The following PPP3CC variants were observed in gnomAD, a reference collection of about 807,000 sequenced individuals.
PPP3CC encodes the protein protein phosphatase 3 catalytic subunit gamma.
A neutral mutation model predicts 60.3 loss-of-function variants in PPP3CC; 35 were observed. That is an observed-to-expected ratio of 0.58 (90% CI 0.44 to 0.77). The LOEUF (loss-of-function observed/expected upper bound fraction) is 0.77. Among genes scored for constraint, PPP3CC ranks in the 30% least tolerant of loss-of-function variants. The pLI is 0.00. For synonymous variants in PPP3CC, 206 were observed against 224.3 expected (o/e 0.92, Z 0.73); for missense variants, 570 against 628.9 (o/e 0.91, Z 1.00).
intron 8 of PPP3CC, among the ~76,000 whole-genome samples, chr8:22,525,436 TTC>T (rs375579777): frequency 2.0e-5 from 3 of 151,168 alleles, no homozygotes; most frequent in Middle Eastern, 3.2e-3. Context: ...CTCTTTTCTT[TTC>T]TCTCTCTTTC....
intron 3 of PPP3CC, among the ~76,000 whole-genome samples, chr8:22,495,567 T>A: frequency 6.6e-6 from 1 of 151,936 alleles, no homozygotes; most frequent in Non-Finnish European, 1.5e-5. Flanking sequence ...ATTATTATTA[T>A]TATTGTTATT....
chr8:22,536,900 A>G (rs761483410), intron 12 of PPP3CC, among the ~76,000 whole-genome samples: 2 of 152,234 alleles, frequency 1.3e-5, no homozygotes, highest in Non-Finnish European at 2.9e-5. Flanking sequence ...TACAGTATAC[A>G]TGAAACATAG....
intron 1 of PPP3CC, among the ~76,000 whole-genome samples, chr8:22,446,111 T>C (rs1836814563): frequency 6.6e-6 from 1 of 152,226 alleles, no homozygotes; most frequent in African/African-American, 2.4e-5. Context: ...ATTTTTAGTG[T>C]ACCATAACTT....
chr8:22,449,899 C>T (rs1304406747), intron 1 of PPP3CC, among the ~76,000 whole-genome samples: 5 of 145,430 alleles, frequency 3.4e-5, no homozygotes, highest in African/African-American at 1.3e-4. Flanking sequence ...GACAGAGTCT[C>T]GCTGTCGCCC....
At chr8:22,469,069 T>C (rs1228120850) in intron 1 of PPP3CC, among the ~76,000 whole-genome samples, 3 of 152,140 alleles carry the variant, frequency 2.0e-5, no homozygotes, top group Admixed American at 6.5e-5. Context: ...ACAGCAAAGA[T>C]ACAGAATCAG....
intron 1 of PPP3CC, among the ~76,000 whole-genome samples, chr8:22,451,920 G>A (rs1157107079): frequency 6.6e-6 from 1 of 151,936 alleles, no homozygotes; most frequent in Non-Finnish European, 1.5e-5. Context: ...ATCTGAAATT[G>A]AAATGCTTCT....
intron 8 of PPP3CC, 26 bp from the exon 9 acceptor site, chr8:22,527,366 G>T: frequency 1.2e-6 from 2 of 1,612,214 alleles, no homozygotes; most frequent in South Asian, 1.1e-5. Flanking sequence ...CTCTGTGCCA[G>T]ATTTTCTTGC....
chr8:22,482,985 C>T (rs967711064), intron 3 of PPP3CC, among the ~76,000 whole-genome samples: 3 of 152,116 alleles, frequency 2.0e-5, no homozygotes, highest in Non-Finnish European at 2.9e-5. Context: ...CAAAAAGATA[C>T]GCTTTTTCAA....
chr8:22,469,154 TAAAA>T (rs899662680), intron 1 of PPP3CC, among the ~76,000 whole-genome samples: 1 of 151,978 alleles, frequency 6.6e-6, no homozygotes, highest in East Asian at 1.9e-4. Flanking sequence ...TGTTCAACCA[TAAAA>T]AAACAAAACA....
intron 3 of PPP3CC, among the ~76,000 whole-genome samples, chr8:22,491,281 GTC>G (rs1838398202): frequency 6.6e-6 from 1 of 152,176 alleles, no homozygotes; most frequent in African/African-American, 2.4e-5. Context: ...GGCTGTGCAA[GTC>G]TCTATTCCTA....
intron 1 of PPP3CC, among the ~76,000 whole-genome samples, chr8:22,468,570 A>G (rs1330789638): frequency 6.6e-6 from 1 of 152,180 alleles, no homozygotes; most frequent in Non-Finnish European, 1.5e-5. Context: ...AATTAGAGAA[A>G]ATATTTATAC....
At chr8:22,457,249 T>G (rs1837231014) in intron 1 of PPP3CC, among the ~76,000 whole-genome samples, 1 of 151,682 alleles carries the variant, frequency 6.6e-6, no homozygotes, top group South Asian at 2.1e-4. Flanking sequence ...AATAGAGTGC[T>G]GCTGTAACAA....
chr8:22,459,907 T>C (rs1036520000), intron 1 of PPP3CC, among the ~76,000 whole-genome samples: 1 of 152,164 alleles, frequency 6.6e-6, no homozygotes. Flanking sequence ...AATTGGACTT[T>C]TGAAAAATTG....
intron 1 of PPP3CC, among the ~76,000 whole-genome samples, chr8:22,458,884 AAG>A (rs531682714): frequency 3.7e-4 from 56 of 152,226 alleles, no homozygotes; most frequent in South Asian, 1.9e-3. Flanking sequence ...TTATTGAGAA[AAG>A]AGTGTTAATT....
chr8:22,446,924 G>A (rs372744741), intron 1 of PPP3CC, among the ~76,000 whole-genome samples: 2 of 150,468 alleles, frequency 1.3e-5, no homozygotes, highest in African/African-American at 2.4e-5. Flanking sequence ...CTACTTAATT[G>A]CTAAATGACT....
Position 22,441,397 on chromosome 8 carries a change from G to C in PPP3CC, c.-13G>C. 2 of 1,539,056 alleles carry C rather than the reference G, an allele frequency of 1.3e-6. No homozygotes were observed. The highest frequency in any genetic ancestry group is 1.7e-6 in the Non-Finnish European group (2 of 1,143,390). On this transcript the variant is annotated 5_prime_UTR_variant, in exon 1 of 14. Coordinates refer to ENST00000240139, the MANE Select transcript of PPP3CC (RefSeq NM_005605.5). Reference sequence around the variant, plus strand: ...CGGCGGGCTCCTGGAGCCTGGAGGAGGCCGAGGGGACCATGTCCGGGAGGC... The same window carrying C: ...CGGCGGGCTCCTGGAGCCTGGAGGACGCCGAGGGGACCATGTCCGGGAGGC...
At chr8:22,446,438 T>G (rs769466733) in intron 1 of PPP3CC, among the ~76,000 whole-genome samples, 7 of 152,250 alleles carry the variant, frequency 4.6e-5, no homozygotes, top group Non-Finnish European at 8.8e-5. Flanking sequence ...ACTCATTACT[T>G]AAAGTGAAAT....
intron 12 of PPP3CC, among the ~76,000 whole-genome samples, chr8:22,536,016 G>A (rs367998801): frequency 1.3e-5 from 2 of 152,230 alleles, no homozygotes; most frequent in East Asian, 3.8e-4. Context: ...ACAGGCGTGA[G>A]CCACCGTGCC....
At chr8:22,479,989 G>A (rs534559441) in intron 3 of PPP3CC, among the ~76,000 whole-genome samples, 33 of 152,068 alleles carry the variant, frequency 2.2e-4, no homozygotes, top group African/African-American at 6.7e-4. Flanking sequence ...TCATGAGTCC[G>A]TCAGTTTCTT....
Sources: gnomAD v4.1 joint callset for allele counts (sites outside exome capture counted in the v4.1 genomes callset) on GRCh38, gnomAD v4.1.1 for gene constraint, MANE v1.5 for transcripts, NCBI Gene and HGNC (gene_info 2026-07-23, HGNC 2026-07-21) for gene names.